SND1: variants seen among roughly 807,000 people sequenced by gnomAD.
The protein encoded by SND1 is staphylococcal nuclease domain-containing protein 1.
Under a neutral mutation model 121.7 loss-of-function variants are expected in SND1, and 38 were observed. The observed-to-expected ratio is 0.31, with a 90% confidence interval of 0.24 to 0.41. The LOEUF (loss-of-function observed/expected upper bound fraction) is 0.41. Among genes scored for constraint, SND1 ranks in the 10% least tolerant of loss-of-function variants. The pLI, the probability that SND1 is intolerant of heterozygous loss-of-function variation, is 1.00. For missense variants in SND1, 868 were observed against 1,184.6 expected (o/e 0.73, Z 3.92); for synonymous variants, 401 against 447.4 (o/e 0.90, Z 1.31).
In SND1 at chr7:127,911,390, A is replaced by G. The variant is rs1186506293; in HGVS notation, c.1527+6571A>G. On this transcript the variant is annotated intron_variant, in intron 14 of 23. Coordinates refer to ENST00000354725, the MANE Select transcript of SND1 (RefSeq NM_014390.4). The stretch of plus-strand genomic sequence containing the variant: ...CAATTTAATTTTTTATTTCAAAAAA[A>G]TAGAGATGGGGTCTCACTTTGTTGT... Among the ~76,000 whole-genome samples, 3 of 152,206 alleles carry G rather than the reference A, an allele frequency of 2.0e-5. No homozygotes were observed. In the East Asian group the frequency reaches 5.8e-4, roughly 29 times the overall value.
intron 13 of SND1, among the ~76,000 whole-genome samples, chr7:127,888,397 C>T (rs2116732227): frequency 6.6e-6 from 1 of 152,226 alleles, no homozygotes; most frequent in East Asian, 1.9e-4. Context: ...GGCCTCTACT[C>T]CTAGCCCCTC....
At chr7:128,071,211 A>C (rs1793403822) in intron 16 of SND1, among the ~76,000 whole-genome samples, 1 of 152,204 alleles carries the variant, frequency 6.6e-6, no homozygotes, top group South Asian at 2.1e-4. Context: ...GCTGTTGGCC[A>C]TGAGTTCAGT....
Position 127,652,276 on chromosome 7 carries a change from C to T in SND1, c.-98C>T. 9.8e-7 allele frequency: 1 copy of T among 1,016,636 alleles called. No individual in the cohort carries two copies. The highest frequency in any genetic ancestry group is 1.5e-6 in the Non-Finnish European group (1 of 659,366). The allele number at this position is 1,016,636 out of a possible 1,614,324, so 63.0% of individuals were successfully genotyped here. A position where few individuals can be genotyped will look rare whatever the true frequency, so the allele number is the denominator to read the frequency against. On this transcript the variant is annotated 5_prime_UTR_variant, in exon 1 of 24. Coordinates refer to ENST00000354725, the MANE Select transcript of SND1 (RefSeq NM_014390.4). ...CCACCGTCCGCAGCTGGTAGCCAGCCTGCCCCTCGCCTCGACTCCCTTTCA... is the reference window on the plus strand; with the variant it reads ...CCACCGTCCGCAGCTGGTAGCCAGCTTGCCCCTCGCCTCGACTCCCTTTCA...
At chr7:127,848,079 G>T (rs908038217) in intron 12 of SND1, among the ~76,000 whole-genome samples, 1 of 152,140 alleles carries the variant, frequency 6.6e-6, no homozygotes, top group African/African-American at 2.4e-5. Context: ...TTTCCATAGG[G>T]AGGAAACATT....
At chr7:127,850,287 T>C (rs890475702) in intron 12 of SND1, among the ~76,000 whole-genome samples, 3 of 152,142 alleles carry the variant, frequency 2.0e-5, no homozygotes, top group African/African-American at 7.2e-5. Flanking sequence ...CAGCCAAACC[T>C]CCTATCTCTC....
intron 16 of SND1, among the ~76,000 whole-genome samples, chr7:128,035,937 A>T (rs1792742104): frequency 6.6e-6 from 1 of 152,200 alleles, no homozygotes; most frequent in Admixed American, 6.5e-5. Flanking sequence ...ATAATGCCTC[A>T]TAGGGTGTTC....
At chr7:128,017,620 T>A (rs900949485) in intron 16 of SND1, among the ~76,000 whole-genome samples, 40 of 152,174 alleles carry the variant, frequency 2.6e-4, no homozygotes, top group African/African-American at 8.9e-4. Context: ...CCACACCTGA[T>A]CCCATCTCAA....
In SND1 at chr7:127,838,885, A is replaced by T. The variant is rs142292672; in HGVS notation, c.1243-5439A>T. ...GACACTGCCCTAAGAAAATTAGTAC[A>T]TGTTTATCTAAAAATAACTGGCACT... is the stretch of plus-strand genomic sequence containing the variant. On this transcript the variant is annotated intron_variant, in intron 11 of 23. Transcript: ENST00000354725. Among the ~76,000 whole-genome samples the T allele has an allele frequency of 2.9e-3, 438 of 152,354 alleles. 2 individuals carry two copies. The highest frequency in any genetic ancestry group is 0.01 in the African/African-American group (418 of 41,588).
Position 127,929,262 on chromosome 7 carries a change from C to T in SND1, c.1602C>T (p.Val534=). The change falls in exon 15 of 24, where the codon GTC becomes GTT. Residue 534 remains valine, a synonymous_variant. Coordinates refer to ENST00000354725, the MANE Select transcript of SND1 (RefSeq NM_014390.4). ...AGRSEAVVEY[V]FSGSRLKLYL... is the part of the protein sequence containing the mutation. ...GTTCTGAAGCTGTGGTGGAATACGT[C>T]TTCAGTGGTTCTCGTCTCAAACTCT... The T allele has an allele frequency of 6.2e-7, 1 of 1,614,070 alleles. No individual in the cohort carries two copies. Among genetic ancestry groups the T allele is most frequent in the Non-Finnish European group, 8.5e-7 (1 of 1,179,914 alleles).
chr7:127,671,850 G>C (rs1280014921), intron 1 of SND1, among the ~76,000 whole-genome samples: 1 of 152,178 alleles, frequency 6.6e-6, no homozygotes, highest in African/African-American at 2.4e-5. Context: ...ATACTAGACA[G>C]CAAGTCAGAA....
At chr7:128,078,768 CA>C (rs1264550826) in intron 17 of SND1, among the ~76,000 whole-genome samples, 1 of 152,230 alleles carries the variant, frequency 6.6e-6, no homozygotes, top group Non-Finnish European at 1.5e-5. Flanking sequence ...CGCCTTCCCC[CA>C]AGCCAAAGGA....
At chr7:127,868,513 C>T (rs919152359) in intron 12 of SND1, among the ~76,000 whole-genome samples, 1 of 152,200 alleles carries the variant, frequency 6.6e-6, no homozygotes, top group Non-Finnish European at 1.5e-5. Context: ...CTTTCCATGG[C>T]TCCCCATGGG....
At chr7:127,657,519 G>T (rs1167553995) in intron 1 of SND1, among the ~76,000 whole-genome samples, 1 of 152,086 alleles carries the variant, frequency 6.6e-6, no homozygotes, top group African/African-American at 2.4e-5. Context: ...TTTCAGTCAG[G>T]ATTTCACTTA....
At chr7:127,917,148 G>A (rs1800597874) in intron 14 of SND1, among the ~76,000 whole-genome samples, 1 of 152,164 alleles carries the variant, frequency 6.6e-6, no homozygotes, top group Non-Finnish European at 1.5e-5. Context: ...AAGGTCCTTA[G>A]AGTCTCAATT....
At chr7:128,017,160 G>C (rs1007347060) in intron 16 of SND1, among the ~76,000 whole-genome samples, 3 of 152,222 alleles carry the variant, frequency 2.0e-5, no homozygotes, top group African/African-American at 7.2e-5. Context: ...GAGGGATCCT[G>C]CTTTCCTCAT....
intron 15 of SND1, among the ~76,000 whole-genome samples, chr7:127,975,149 A>G (rs1802083617): frequency 1.3e-5 from 2 of 152,214 alleles, no homozygotes; most frequent in African/African-American, 4.8e-5. Flanking sequence ...TTGTTACACA[A>G]AAGAGGCACA....
intron 1 of SND1, among the ~76,000 whole-genome samples, chr7:127,664,297 C>T (rs570535721): frequency 2.0e-5 from 3 of 152,282 alleles, no homozygotes; most frequent in East Asian, 3.9e-4. Flanking sequence ...CTGAACCACA[C>T]TTGAGTTAAT....
At chr7:127,785,218 T>C (rs529070266) in intron 10 of SND1, among the ~76,000 whole-genome samples, 1 of 152,222 alleles carries the variant, frequency 6.6e-6, no homozygotes, top group South Asian at 2.1e-4. Context: ...CAGGAATGCA[T>C]TTAGATTGAC....
intron 11 of SND1, among the ~76,000 whole-genome samples, chr7:127,833,886 A>G (rs1285981899): frequency 6.6e-6 from 1 of 152,080 alleles, no homozygotes; most frequent in Non-Finnish European, 1.5e-5. Context: ...CCTGTCAACC[A>G]TGTTCCTATT....
Sources: gnomAD v4.1 joint callset for allele counts (sites outside exome capture counted in the v4.1 genomes callset) on GRCh38, gnomAD v4.1.1 for gene constraint, MANE v1.5 for transcripts, NCBI Gene and HGNC (gene_info 2026-07-23, HGNC 2026-07-21) for gene names.